Variants in CDYL observed in about 807,000 individuals in gnomAD.
CDYL encodes the protein chromodomain Y like, also known as chromodomain Y-like protein.
Under a neutral mutation model 47.3 loss-of-function variants are expected in CDYL, and 8 were observed. The observed-to-expected ratio is 0.17, with a 90% confidence interval of 0.10 to 0.31. The LOEUF is 0.31. CDYL is among the 10% of genes least tolerant of loss of function. The pLI is 1.00. For missense variants in CDYL, 471 were observed against 701.4 expected (o/e 0.67, Z 3.71); for synonymous variants, 266 against 265.0 (o/e 1.00, Z -0.04).
intron 1 of CDYL, among the ~76,000 whole-genome samples, chr6:4,782,984 A>G (rs1351185580): frequency 1.3e-5 from 2 of 152,224 alleles, no homozygotes; most frequent in Non-Finnish European, 2.9e-5. Context: ...CACTTCTGAC[A>G]ATGTAAAGAT....
chr6:4,765,751 A>G (rs1758243086), intron 3 of CDYL, among the ~76,000 whole-genome samples: 1 of 152,050 alleles, frequency 6.6e-6, no homozygotes, highest in Non-Finnish European at 1.5e-5. Context: ...TTTAGCACAG[A>G]TGGGGTTTTG....
chr6:4,876,216 A>C (rs998912443), intron 1 of CDYL, among the ~76,000 whole-genome samples: 27 of 152,146 alleles, frequency 1.8e-4, no homozygotes, highest in Admixed American at 6.5e-5. Context: ...ATTTTTTGAT[A>C]ATTTATACCA....
chr6:4,920,799 A>G (rs1349907917), intron 2 of CDYL, among the ~76,000 whole-genome samples: 2 of 152,212 alleles, frequency 1.3e-5, no homozygotes, highest in Admixed American at 1.3e-4. Context: ...CATTTTTAGC[A>G]GAGACGGGAT....
chr6:4,922,794 C>T lies in CDYL; in HGVS notation c.692-12721C>T, dbSNP rs149010790. ...ACCCTGAATATCCTGTTTTGGGCCT[C>T]GAATGTGCAACATCAGCAATGGACA... On this transcript the variant is annotated intron_variant, in intron 2 of 6. Transcript: ENST00000397588. Among the ~76,000 whole-genome samples, 189 of 152,292 alleles carry T rather than the reference C, an allele frequency of 1.2e-3. No homozygotes were observed. The South Asian group carries it at 0.017, about 14-fold the overall frequency.
At position 4,776,618 on chromosome 6, in the gene CDYL, CG is replaced by C; in HGVS notation, c.-165del. On this transcript the variant is annotated 5_prime_UTR_variant, in exon 1 of 7. Transcript: ENST00000397588. The stretch of plus-strand genomic sequence containing the variant: ...GCACAACCCCGCCGCGCCGCCGGCC[CG>C]CACTGGCCGCGGAGTGCAAGAGGCT... 1 of 377,096 alleles carries C rather than the reference CG, an allele frequency of 2.7e-6. No homozygotes were observed. The highest frequency in any genetic ancestry group is 4.1e-6 in the Non-Finnish European group (1 of 245,466). 23.4% of individuals were successfully genotyped at this position (377,096 alleles called of 1,614,324 possible). A position where few individuals can be genotyped will look rare whatever the true frequency, so the allele number is the denominator to read the frequency against.
chr6:4,904,054 T>A (rs913475633), intron 2 of CDYL, among the ~76,000 whole-genome samples: 3 of 152,230 alleles, frequency 2.0e-5, no homozygotes, highest in Admixed American at 6.5e-5. Flanking sequence ...TGATAGGGTC[T>A]GTTTGAAAAG....
chr6:4,788,960 C>A (rs1445522794), intron 1 of CDYL, among the ~76,000 whole-genome samples: 3 of 152,072 alleles, frequency 2.0e-5, no homozygotes, highest in African/African-American at 2.4e-5. Flanking sequence ...TGAGTTAGAG[C>A]CCTCCCTGTC....
intron 1 of CDYL, among the ~76,000 whole-genome samples, chr6:4,824,897 G>A (rs938928730): frequency 1.3e-5 from 2 of 151,736 alleles, no homozygotes; most frequent in Admixed American, 1.3e-4. Context: ...TTGAAACAGA[G>A]TCTCACTCTG....
intron 1 of CDYL, among the ~76,000 whole-genome samples, chr6:4,820,673 T>C (rs1759809036): frequency 1.3e-5 from 2 of 152,188 alleles, no homozygotes; most frequent in Non-Finnish European, 1.5e-5. Context: ...TTTGAGGAGC[T>C]ATATGAAGGA....
intron 5 of CDYL, among the ~76,000 whole-genome samples, chr6:4,947,794 A>T (rs1312443275): frequency 6.6e-6 from 1 of 152,144 alleles, no homozygotes; most frequent in African/African-American, 2.4e-5. Flanking sequence ...GAGCTGACTG[A>T]CAGGGAGCTC....
At chr6:4,814,279 C>T (rs1420086621) in intron 1 of CDYL, among the ~76,000 whole-genome samples, 1 of 152,036 alleles carries the variant, frequency 6.6e-6, no homozygotes, top group African/African-American at 2.4e-5. Flanking sequence ...GTGTAAGCAG[C>T]TATTTTTATG....
At chr6:4,950,788 C>G (rs1050089460) in intron 5 of CDYL, among the ~76,000 whole-genome samples, 1 of 152,024 alleles carries the variant, frequency 6.6e-6, no homozygotes, top group Non-Finnish European at 1.5e-5. Flanking sequence ...AAAAATTAGC[C>G]GGGCGTGGTG....
intron 1 of CDYL, among the ~76,000 whole-genome samples, chr6:4,839,074 A>T (rs757395413): frequency 1.3e-5 from 2 of 152,058 alleles, no homozygotes; most frequent in Admixed American, 6.5e-5. Context: ...TACCACATCC[A>T]CACCAACTTC....
chr6:4,927,011 T>A (rs1757894683), intron 2 of CDYL, among the ~76,000 whole-genome samples: 1 of 152,176 alleles, frequency 6.6e-6, no homozygotes, highest in Non-Finnish European at 1.5e-5. Flanking sequence ...GACCCGTATT[T>A]TTAAAAATCT....
chr6:4,917,686 G>A (rs998872898), intron 2 of CDYL, among the ~76,000 whole-genome samples: 2 of 152,204 alleles, frequency 1.3e-5, no homozygotes, highest in African/African-American at 4.8e-5. Context: ...GCAGCACTGA[G>A]GAAGGATTAA....
At chr6:4,849,542 TG>T (rs752268495) in intron 1 of CDYL, among the ~76,000 whole-genome samples, 2 of 151,918 alleles carry the variant, frequency 1.3e-5, no homozygotes, top group South Asian at 2.1e-4. Flanking sequence ...CTAAGTTATT[TG>T]GGGGAAAGTG....
At chr6:4,921,404 T>C (rs1281181174) in intron 2 of CDYL, among the ~76,000 whole-genome samples, 1 of 152,218 alleles carries the variant, frequency 6.6e-6, no homozygotes, top group African/African-American at 2.4e-5. Context: ...AGGACTCTAG[T>C]TCGAAGTCCT....
chr6:4,945,118 G>C (rs1389284800), intron 5 of CDYL, among the ~76,000 whole-genome samples: 2 of 152,170 alleles, frequency 1.3e-5, no homozygotes, highest in African/African-American at 4.8e-5. Context: ...AGGGACCCAG[G>C]ATGGGCTCCT....
At chr6:4,895,007 T>G (rs1762174459) in intron 2 of CDYL, among the ~76,000 whole-genome samples, 1 of 151,178 alleles carries the variant, frequency 6.6e-6, no homozygotes, top group African/African-American at 2.4e-5. Context: ...GTGTGTATGT[T>G]TATACATATA....
Sources: allele counts gnomAD v4.1 joint callset (sites outside exome capture counted in the v4.1 genomes callset), GRCh38; gene constraint gnomAD v4.1.1; transcripts MANE v1.5; gene names NCBI Gene and HGNC (gene_info 2026-07-23, HGNC 2026-07-21).